The following PHTF2 variants were observed in gnomAD, a reference collection of about 807,000 sequenced individuals.
PHTF2 encodes putative homeodomain transcription factor 2.
A neutral mutation model predicts 101.2 loss-of-function variants in PHTF2; 60 were observed. The ratio of observed to expected loss-of-function variants is 0.59; its 90% CI spans 0.48 to 0.73. The LOEUF is 0.73. Among genes scored for constraint, PHTF2 ranks in the 30% least tolerant of loss-of-function variants. The pLI is 0.00. For synonymous variants in PHTF2, 311 were observed against 307.3 expected (o/e 1.01, Z -0.13); for missense variants, 747 against 908.7 (o/e 0.82, Z 2.29).
intron 2 of PHTF2, among the ~76,000 whole-genome samples, chr7:77,850,543 G>T (rs1289547550): frequency 6.7e-6 from 1 of 149,922 alleles, no homozygotes; most frequent in Non-Finnish European, 1.5e-5. Context: ...TTGGGAGGTA[G>T]AGGCAGGAGA....
intron 1 of PHTF2, among the ~76,000 whole-genome samples, chr7:77,817,445 T>G (rs751080635): frequency 2.0e-5 from 3 of 152,150 alleles, no homozygotes; most frequent in Non-Finnish European, 2.9e-5. Context: ...AAAATCATGA[T>G]GGAAGGGGAA....
At chr7:77,892,666 G>A (rs1363161716) in intron 3 of PHTF2, among the ~76,000 whole-genome samples, 3 of 152,166 alleles carry the variant, frequency 2.0e-5, no homozygotes, top group African/African-American at 7.2e-5. Flanking sequence ...TTTGGATATG[G>A]GGAATTAAGT....
chr7:77,912,470 T>C (rs368520035), intron 9 of PHTF2, among the ~76,000 whole-genome samples: 8 of 152,150 alleles, frequency 5.3e-5, no homozygotes, highest in African/African-American at 1.2e-4. Flanking sequence ...TAAGCACTTA[T>C]CAACTTATCA....
intron 1 of PHTF2, among the ~76,000 whole-genome samples, chr7:77,820,525 T>C (rs1326768138): frequency 6.6e-6 from 1 of 151,874 alleles, no homozygotes; most frequent in Non-Finnish European, 1.5e-5. Flanking sequence ...CTAATGTGTG[T>C]GTGTGCGTGT....
At chr7:77,845,415 C>G (rs79916116) in intron 2 of PHTF2, among the ~76,000 whole-genome samples, 89 of 152,146 alleles carry the variant, frequency 5.8e-4, no homozygotes, top group Admixed American at 1.6e-3. Flanking sequence ...CTGTATGATA[C>G]AGATCTTGGT....
intron 9 of PHTF2, among the ~76,000 whole-genome samples, chr7:77,915,034 C>T (rs962347072): frequency 3.2e-4 from 49 of 150,884 alleles, no homozygotes; most frequent in Non-Finnish European, 6.6e-4. Context: ...CCCTCAGCCT[C>T]CCGAGTAGCT....
intron 3 of PHTF2, among the ~76,000 whole-genome samples, chr7:77,879,833 T>C (rs1799260636): frequency 6.6e-6 from 1 of 152,226 alleles, no homozygotes; most frequent in Non-Finnish European, 1.5e-5. Flanking sequence ...AGTTGCTTTC[T>C]TAATAACTTG....
chr7:77,844,253 C>T (rs961895819), intron 2 of PHTF2, among the ~76,000 whole-genome samples: 9 of 152,234 alleles, frequency 5.9e-5, no homozygotes, highest in Middle Eastern at 3.4e-3. Flanking sequence ...CTTGGACTCC[C>T]GAAGTGCTGG....
At chr7:77,830,965 G>A (rs1355775237) in intron 1 of PHTF2, among the ~76,000 whole-genome samples, 6 of 152,162 alleles carry the variant, frequency 3.9e-5, no homozygotes, top group African/African-American at 1.4e-4. Context: ...TTACTAGAGA[G>A]CTTCTTTGTA....
At chr7:77,895,927 T>C (rs746232628) in intron 5 of PHTF2, 8 of 152,158 alleles carry the variant, frequency 5.3e-5, no homozygotes, top group Admixed American at 2.0e-4. Flanking sequence ...CAGACAGTTA[T>C]AGATCAGATG....
At chr7:77,836,230 A>G (rs1795457854) in intron 1 of PHTF2, among the ~76,000 whole-genome samples, 1 of 152,080 alleles carries the variant, frequency 6.6e-6, no homozygotes, top group Non-Finnish European at 1.5e-5. Context: ...TTCACACTGA[A>G]TAGGTTGAAG....
chr7:77,952,116 AAT>A (rs1387061451), intron 18 of PHTF2, among the ~76,000 whole-genome samples: 1 of 152,114 alleles, frequency 6.6e-6, no homozygotes, highest in Non-Finnish European at 1.5e-5. Context: ...TATCATAATA[AAT>A]ATGTGTCATA....
At chr7:77,851,865 C>T (rs1012200148) in intron 2 of PHTF2, among the ~76,000 whole-genome samples, 1 of 152,124 alleles carries the variant, frequency 6.6e-6, no homozygotes, top group African/African-American at 2.4e-5. Flanking sequence ...AAACTTTCCT[C>T]TTAGTACTGC....
At chr7:77,914,701 C>T (rs1287197850) in intron 9 of PHTF2, among the ~76,000 whole-genome samples, 1 of 152,040 alleles carries the variant, frequency 6.6e-6, no homozygotes, top group Non-Finnish European at 1.5e-5. Context: ...CCCTCAGAAT[C>T]TTAGGGATTC....
chr7:77,940,542 A>G, exon 15 of PHTF2: 1 of 1,596,852 alleles, frequency 6.3e-7, no homozygotes, highest in African/African-American at 1.3e-5. Context: ...TACTTTTTGC[A>G]AAACTCTTTG....
At chr7:77,819,333 T>C (rs1794091221) in intron 1 of PHTF2, among the ~76,000 whole-genome samples, 1 of 152,230 alleles carries the variant, frequency 6.6e-6, no homozygotes, top group Non-Finnish European at 1.5e-5. Flanking sequence ...GGAAACACTT[T>C]TGGCTTTTTC....
chr7:77,943,207 G>A (rs113492342), intron 16 of PHTF2, among the ~76,000 whole-genome samples: 3 of 152,092 alleles, frequency 2.0e-5, no homozygotes, highest in Non-Finnish European at 4.4e-5. Flanking sequence ...TGCAACCTCC[G>A]CCTCCCGGGT....
chr7:77,818,752 G>C (rs1023475805), intron 1 of PHTF2, among the ~76,000 whole-genome samples: 1 of 152,170 alleles, frequency 6.6e-6, no homozygotes, highest in African/African-American at 2.4e-5. Flanking sequence ...AGTTCCATAT[G>C]TATTTTGGGA....
chr7:77,889,506 A>C (rs1800169250), intron 3 of PHTF2, among the ~76,000 whole-genome samples: 5 of 152,100 alleles, frequency 3.3e-5, no homozygotes, highest in Non-Finnish European at 5.9e-5. Context: ...GCGTCCTCAC[A>C]AAAAAACTAC....
Sources: allele counts gnomAD v4.1 joint callset (sites outside exome capture counted in the v4.1 genomes callset), GRCh38; gene constraint gnomAD v4.1.1; transcripts MANE v1.5; gene names NCBI Gene and HGNC (gene_info 2026-07-23, HGNC 2026-07-21).